The following EEF1AKMT1 variants were observed in gnomAD, a reference collection of about 807,000 sequenced individuals.
The protein encoded by EEF1AKMT1 is N-6 adenine-specific DNA methyltransferase 2 (putative).
Under a neutral mutation model 21.0 loss-of-function variants are expected in EEF1AKMT1, and 18 were observed. That is an observed-to-expected ratio of 0.86 (90% CI 0.59 to 1.27). The LOEUF (loss-of-function observed/expected upper bound fraction) is 1.27, where lower values mean the gene tolerates loss of function less well. Ranked by LOEUF, EEF1AKMT1 falls within the 50% of genes most tolerant of loss-of-function variation. The pLI is 0.00. For synonymous variants in EEF1AKMT1, 109 were observed against 94.8 expected (o/e 1.15, Z -0.87); for missense variants, 246 against 258.6 (o/e 0.95, Z 0.33).
At chr13:20,735,203 G>A (rs982873781) in intron 3 of EEF1AKMT1, among the ~76,000 whole-genome samples, 1 of 152,210 alleles carries the variant, frequency 6.6e-6, no homozygotes, top group African/African-American at 2.4e-5. Context: ...GGCTCAGGAT[G>A]CGACAGAACC....
chr13:20,762,097 T>G (rs927914617), intron 1 of EEF1AKMT1, among the ~76,000 whole-genome samples: 19 of 152,198 alleles, frequency 1.2e-4, no homozygotes, highest in African/African-American at 4.1e-4. Context: ...AGAACCTTTA[T>G]TTTTCGGGGT....
At chr13:20,739,808 C>A (rs1392471345) in intron 2 of EEF1AKMT1, among the ~76,000 whole-genome samples, 1 of 152,242 alleles carries the variant, frequency 6.6e-6, no homozygotes, top group Non-Finnish European at 1.5e-5. Flanking sequence ...ATTTACAATC[C>A]TCTAGCTAGA....
intron 1 of EEF1AKMT1, among the ~76,000 whole-genome samples, chr13:20,767,059 C>A (rs1334407459): frequency 6.6e-6 from 1 of 152,050 alleles, no homozygotes; most frequent in Non-Finnish European, 1.5e-5. Context: ...GTAATCCCAG[C>A]ACTTTGGGAG....
At chr13:20,745,453 T>C (rs1428750746) in intron 2 of EEF1AKMT1, among the ~76,000 whole-genome samples, 1 of 152,190 alleles carries the variant, frequency 6.6e-6, no homozygotes, top group Non-Finnish European at 1.5e-5. Flanking sequence ...CAACTGTGAA[T>C]GGGAGTTCAC....
At chr13:20,737,466 C>T (rs1449592540) in intron 3 of EEF1AKMT1, among the ~76,000 whole-genome samples, 2 of 152,118 alleles carry the variant, frequency 1.3e-5, no homozygotes, top group Non-Finnish European at 2.9e-5. Flanking sequence ...CTCTTTTGAA[C>T]TGAGCTCTAT....
chr13:20,737,767 CAG>C lies in EEF1AKMT1; in HGVS notation c.181_182del (p.Leu61AlafsTer23). On this transcript the variant is annotated frameshift_variant, in exon 3 of 5. Coordinates refer to ENST00000382758, the MANE Select transcript of EEF1AKMT1 (RefSeq NM_001318939.2). ...SQFWYSQETA[L>X]QLAQEAIAAV... ...CTGCAATTGCCTCCTGTGCCAGCTG[CAG>C]AGCAGTTTCCTGACTATACCAAAAC... The C allele has an allele frequency of 6.2e-7, 1 of 1,613,108 alleles. No homozygotes were observed. Among genetic ancestry groups the C allele is most frequent in the East Asian group, 2.2e-5 (1 of 44,868 alleles).
At chr13:20,740,636 T>C (rs1476002808) in intron 2 of EEF1AKMT1, among the ~76,000 whole-genome samples, 1 of 152,206 alleles carries the variant, frequency 6.6e-6, no homozygotes, top group Non-Finnish European at 1.5e-5. Context: ...ACCCTGCTTC[T>C]ACTAAAAATA....
chr13:20,737,207 T>C (rs1013606732), intron 3 of EEF1AKMT1, among the ~76,000 whole-genome samples: 34 of 151,914 alleles, frequency 2.2e-4, no homozygotes, highest in African/African-American at 7.5e-4. Flanking sequence ...CTACTAAAAA[T>C]ACAAAAATTA....
intron 1 of EEF1AKMT1, among the ~76,000 whole-genome samples, chr13:20,759,539 T>C (rs1033039303): frequency 4.7e-5 from 7 of 149,740 alleles, no homozygotes; most frequent in Non-Finnish European, 1.0e-4. Context: ...GAGATGGCGC[T>C]ACTGCACTCC....
At chr13:20,738,199 T>C (rs978675891) in intron 2 of EEF1AKMT1, among the ~76,000 whole-genome samples, 1 of 152,166 alleles carries the variant, frequency 6.6e-6, no homozygotes, top group African/African-American at 2.4e-5. Context: ...ACACAGAGGA[T>C]GGAAGAATGA....
intron 1 of EEF1AKMT1, among the ~76,000 whole-genome samples, chr13:20,763,083 T>C (rs1190622004): frequency 2.0e-5 from 3 of 152,342 alleles, no homozygotes; most frequent in Middle Eastern, 6.8e-3. Context: ...CCTATCTTCA[T>C]GAGGTATATT....
intron 1 of EEF1AKMT1, among the ~76,000 whole-genome samples, chr13:20,758,994 A>G (rs941125930): frequency 2.0e-5 from 3 of 152,306 alleles, no homozygotes; most frequent in Admixed American, 1.3e-4. Flanking sequence ...CTGGACGCCT[A>G]CCTCTCACCA....
intron 2 of EEF1AKMT1, among the ~76,000 whole-genome samples, chr13:20,740,571 A>G (rs1052660139): frequency 6.6e-5 from 10 of 152,210 alleles, no homozygotes; most frequent in African/African-American, 2.2e-4. Flanking sequence ...TTGGGAGGCC[A>G]AGGCGGGAGG....
chr13:20,729,529 A>T (rs890563105), intron 4 of EEF1AKMT1, among the ~76,000 whole-genome samples: 1 of 152,140 alleles, frequency 6.6e-6, no homozygotes, highest in Non-Finnish European at 1.5e-5. Context: ...ATATACACAC[A>T]TATGGAAAGC....
At chr13:20,764,002 CTCT>C (rs1184806224) in intron 1 of EEF1AKMT1, among the ~76,000 whole-genome samples, 2 of 152,068 alleles carry the variant, frequency 1.3e-5, no homozygotes, top group Non-Finnish European at 2.9e-5. Context: ...TTTCTGTTTT[CTCT>C]TTTTTCTTAC....
At chr13:20,773,637 C>A (rs1408346790) in intron 1 of EEF1AKMT1, among the ~76,000 whole-genome samples, 1 of 152,262 alleles carries the variant, frequency 6.6e-6, no homozygotes, top group East Asian at 1.9e-4. Context: ...AGCACCAAGG[C>A]TGCCTAAGGC....
intron 2 of EEF1AKMT1, among the ~76,000 whole-genome samples, chr13:20,742,437 A>G (rs150273969): frequency 2.5e-3 from 383 of 152,274 alleles, no homozygotes; most frequent in Non-Finnish European, 3.2e-3. Flanking sequence ...AACAGAAACT[A>G]TTTCAAAGAA....
intron 2 of EEF1AKMT1, among the ~76,000 whole-genome samples, chr13:20,756,484 C>A (rs186994913): frequency 5.5e-4 from 84 of 152,286 alleles, no homozygotes; most frequent in African/African-American, 1.9e-3. Context: ...ATAATATTTT[C>A]TCTTTCCACC....
intron 2 of EEF1AKMT1, among the ~76,000 whole-genome samples, chr13:20,741,627 T>C (rs900412657): frequency 1.3e-5 from 2 of 152,024 alleles, no homozygotes; most frequent in African/African-American, 4.8e-5. Flanking sequence ...CAGCTAATTT[T>C]TGTATTTTTA....
Sources: allele counts gnomAD v4.1 joint callset (sites outside exome capture counted in the v4.1 genomes callset), GRCh38; gene constraint gnomAD v4.1.1; transcripts MANE v1.5; gene names NCBI Gene and HGNC (gene_info 2026-07-23, HGNC 2026-07-21).